The following MICOS10 variants were observed in gnomAD, a reference collection of about 807,000 sequenced individuals.
The protein encoded by MICOS10 is mitochondrial contact site and cristae organizing system subunit 10.
A neutral mutation model predicts 13.4 loss-of-function variants in MICOS10; 5 were observed. The observed-to-expected ratio is 0.37, with a 90% CI of 0.20 to 0.78. The LOEUF is 0.78. MICOS10 is among the 30% of genes least tolerant of loss of function. The pLI is 0.47. For synonymous variants in MICOS10, 35 were observed against 33.6 expected, an observed-to-expected ratio of 1.04 and a Z score of -0.15; for missense variants, 101 against 94.6, an observed-to-expected ratio of 1.07 and a Z score of -0.28.
At chr1:19,622,984 C>T (rs959728778) in intron 2 of MICOS10, among the ~76,000 whole-genome samples, 1 of 140,452 alleles carries the variant, frequency 7.1e-6, no homozygotes, top group Non-Finnish European at 1.5e-5. Context: ...TGCAGTGGTG[C>T]GATCTCAGCT....
intron 3 of MICOS10, among the ~76,000 whole-genome samples, chr1:19,624,528 TCCA>T (rs1387893174): frequency 5.3e-5 from 8 of 152,152 alleles, no homozygotes; most frequent in Non-Finnish European, 8.8e-5. Flanking sequence ...CCTCAGGTGA[TCCA>T]CCCGTCTCGG....
intron 1 of MICOS10, among the ~76,000 whole-genome samples, chr1:19,619,891 C>G (rs1433939177): frequency 1.3e-5 from 2 of 152,202 alleles, no homozygotes; most frequent in African/African-American, 4.8e-5. Flanking sequence ...CTCCCCACCC[C>G]CTACCACACA....
chr1:19,599,498 C>T (rs758753355), intron 1 of MICOS10, among the ~76,000 whole-genome samples: 37 of 152,068 alleles, frequency 2.4e-4, no homozygotes, highest in Admixed American at 7.2e-4. Flanking sequence ...AGGTGATGTA[C>T]GATCTCAGGT....
At chr1:19,625,641 C>T (rs763744965) in intron 3 of MICOS10, 1 of 1,284,912 alleles carries the variant, frequency 7.8e-7, no homozygotes, top group South Asian at 1.2e-5. Flanking sequence ...AGGTCTTTTG[C>T]TTAAAACATT....
intron 3 of MICOS10, chr1:19,625,501 T>C (rs745905888): frequency 2.2e-5 from 29 of 1,289,424 alleles, no homozygotes; most frequent in Middle Eastern, 2.1e-4. Context: ...ACAGGGACCA[T>C]GCAAGAAGAG....
rs2094910965 is a variant in MICOS10 at position 19,623,339 on chromosome 1, G to T, written c.113-135G>T. On this transcript the variant is annotated intron_variant, in intron 2 of 3. Coordinates refer to ENST00000322753, the MANE Select transcript of MICOS10 (RefSeq NM_001032363.4). ...GCCATTGTGAAACATTGATAAAAAT[G>T]TATGGTTATTATAGTCATTAGTATG... is the stretch of plus-strand genomic sequence containing the variant. 5.0e-6 allele frequency: 3 copies of T among 605,352 alleles called. No individual in the cohort carries two copies. The Admixed American group carries it at 8.2e-5, about 17-fold the overall frequency. The allele number at this position is 605,352 out of a possible 1,614,324, so 37.5% of individuals were successfully genotyped here.
intron 1 of MICOS10, among the ~76,000 whole-genome samples, chr1:19,615,582 T>C (rs971288107): frequency 1.4e-4 from 21 of 152,090 alleles, no homozygotes; most frequent in African/African-American, 5.1e-4. Context: ...CTTTCCTTTT[T>C]TTCCCCCCAA....
At chr1:19,602,082 T>G (rs1315235934) in intron 1 of MICOS10, among the ~76,000 whole-genome samples, 2 of 152,224 alleles carry the variant, frequency 1.3e-5, no homozygotes, top group Non-Finnish European at 2.9e-5. Flanking sequence ...CATTTGAAAT[T>G]TGTAATTGGT....
intron 3 of MICOS10, among the ~76,000 whole-genome samples, chr1:19,626,072 C>T (rs1260867241): frequency 6.6e-6 from 1 of 152,160 alleles, no homozygotes; most frequent in African/African-American, 2.4e-5. Context: ...CCATGTAGTT[C>T]GTAGGCTGAT....
chr1:19,623,633 C>T, intron 3 of MICOS10, 50 bp downstream of exon 3: 2 of 1,317,842 alleles, frequency 1.5e-6, no homozygotes, highest in Non-Finnish European at 2.2e-6. Context: ...AAAGATTTCT[C>T]CTGAGCCCTG....
intron 1 of MICOS10, among the ~76,000 whole-genome samples, chr1:19,618,521 T>A (rs1205387085): frequency 1.3e-5 from 2 of 152,142 alleles, no homozygotes; most frequent in Non-Finnish European, 2.9e-5. Flanking sequence ...CAGACACTAT[T>A]AGAGACTTTC....
chr1:19,604,066 T>G (rs2094825896), intron 1 of MICOS10, among the ~76,000 whole-genome samples: 1 of 152,210 alleles, frequency 6.6e-6, no homozygotes, highest in South Asian at 2.1e-4. Flanking sequence ...ATTTTTTTCA[T>G]TCAAAATAAA....
intron 1 of MICOS10, among the ~76,000 whole-genome samples, chr1:19,598,385 T>C (rs2094800959): frequency 1.3e-5 from 2 of 152,228 alleles, no homozygotes. Context: ...ACAGTCACTT[T>C]TGTTTTGTTA....
chr1:19,614,477 T>A (rs971069176), intron 1 of MICOS10: 14 of 151,976 alleles, frequency 9.2e-5, no homozygotes, highest in African/African-American at 2.9e-4. Flanking sequence ...CACTTTAATT[T>A]TTTTTTATTT....
At position 19,626,349 on chromosome 1, in the gene MICOS10, G is replaced by A. The variant is rs199946418; in HGVS notation, c.223-38G>A. ...AATTAGAGAGGGTTGTCAGAATGCC[G>A]TCTGCACAGTTTTAAGCTGAATGTC... On this transcript the variant is annotated intron_variant, in intron 3 of 3. Transcript: ENST00000322753. The A allele has an allele frequency of 6.9e-5, 112 of 1,613,824 alleles. No individual in the cohort carries two copies. The East Asian group carries it at 9.4e-4, about 13-fold the overall frequency.
At position 19,618,654 on chromosome 1, in the gene MICOS10, G is replaced by A. The variant is rs140848725; in HGVS notation, c.65-3446G>A. ...GCTGACTTGTAGGGACTGGAGCAGC[G>A]GTTTGGGCCCGGCCTGTCTTGCTGC... is the stretch of plus-strand genomic sequence containing the variant. On this transcript the variant is annotated intron_variant, in intron 1 of 3. Transcript: ENST00000322753. 8.2e-3 allele frequency among the ~76,000 whole-genome samples: 1,253 copies of A among 152,302 alleles called. 19 individuals are homozygous for A. The highest frequency in any genetic ancestry group is 0.028 in the African/African-American group (1,183 of 41,558).
At chr1:19,606,450 G>T (rs1443490192) in intron 1 of MICOS10, among the ~76,000 whole-genome samples, 1 of 152,136 alleles carries the variant, frequency 6.6e-6, no homozygotes, top group African/African-American at 2.4e-5. Context: ...TCCTTGTTAC[G>T]AAAGTATGGC....
intron 1 of MICOS10, chr1:19,608,472 C>A: frequency 8.0e-7 from 1 of 1,256,398 alleles, no homozygotes; most frequent in African/African-American, 1.5e-5. Context: ...AGAGCCCTTG[C>A]CTGCTCGGGT....
At chr1:19,608,243 G>C (rs566432666) in intron 1 of MICOS10, 3 of 1,425,702 alleles carry the variant, frequency 2.1e-6, no homozygotes, top group Non-Finnish European at 3.0e-6. Context: ...TTTTGTCCAT[G>C]TCACGGATCT....
Sources: allele counts gnomAD v4.1 joint callset (sites outside exome capture counted in the v4.1 genomes callset), GRCh38; gene constraint gnomAD v4.1.1; transcripts MANE v1.5; gene names NCBI Gene and HGNC (gene_info 2026-07-23, HGNC 2026-07-21).